Variants in PWWP2B observed in about 807,000 individuals in gnomAD.
PWWP2B encodes PWWP domain-containing protein 2B.
A neutral mutation model predicts 15.5 loss-of-function variants in PWWP2B; 9 were observed. The ratio of observed to expected loss-of-function variants is 0.58; its 90% CI spans 0.35 to 1.02. The LOEUF (loss-of-function observed/expected upper bound fraction) is 1.02, where lower values mean the gene tolerates loss of function less well. Ranked by LOEUF, PWWP2B falls within the 50% of genes least tolerant of loss-of-function variation. The pLI, the probability that PWWP2B is intolerant of heterozygous loss-of-function variation, is 0.02. For synonymous variants in PWWP2B, 474 were observed against 403.6 expected, an observed-to-expected ratio of 1.17 and a Z score of -2.09; for missense variants, 864 against 865.3, an observed-to-expected ratio of 1.00 and a Z score of 0.02.
chr10:132,411,101 CGTTTA>C (rs1189415962), intron 2 of PWWP2B, among the ~76,000 whole-genome samples: 2 of 152,210 alleles, frequency 1.3e-5, no homozygotes, highest in African/African-American at 4.8e-5. Flanking sequence ...AGACCACAGG[CGTTTA>C]TTCCCACGCC....
chr10:132,406,768 A>G (rs2069705509), intron 2 of PWWP2B, among the ~76,000 whole-genome samples: 1 of 152,142 alleles, frequency 6.6e-6, no homozygotes, highest in African/African-American at 2.4e-5. Flanking sequence ...CAGGACATTA[A>G]AGGAGGGAGG....
intron 1 of PWWP2B, among the ~76,000 whole-genome samples, chr10:132,403,828 G>A (rs899366712): frequency 9.9e-5 from 15 of 152,204 alleles, no homozygotes; most frequent in Admixed American, 7.2e-4. Flanking sequence ...CCTGCAGCTC[G>A]TGTGGCCCAG....
intron 2 of PWWP2B, among the ~76,000 whole-genome samples, chr10:132,408,792 C>T (rs1210467024): frequency 2.6e-5 from 4 of 152,248 alleles, no homozygotes; most frequent in Admixed American, 6.5e-5. Context: ...CACTCTCTCT[C>T]AGCTTGCTGC....
rs1370756980 is a variant in PWWP2B at position 132,400,394 on chromosome 10, G to A, written c.125+3043G>A. ...GGGCTTAGAGAGGGACTATGCTGAC[G>A]GCTCATAAACCCTTGAGTCCAGGAC... On this transcript the variant is annotated intron_variant, in intron 1 of 2. Transcript: ENST00000305233. Among the ~76,000 whole-genome samples the A allele has an allele frequency of 2.0e-5, 3 of 152,148 alleles. 1 individual carries two copies. The highest frequency in any genetic ancestry group is 4.4e-5 in the Non-Finnish European group (3 of 68,002).
rs773340929 is a variant in PWWP2B, at chr10:132,404,720, G to A, written c.220G>A (p.Asp74Asn). Reference sequence around the variant, plus strand: ...CCATGGCCGGGCTCCCGAGGAGGGGGATGCAGAGGTGATGCAGCTGGGGTC... The same window carrying A: ...CCATGGCCGGGCTCCCGAGGAGGGGAATGCAGAGGTGATGCAGCTGGGGTC... ...DSHGRAPEEG[D>N]AEVMQLGSSS... Residue 74 changes from aspartate (D) to asparagine (N), a missense_variant, in exon 2 of 3, where the codon GAT (aspartate) becomes AAT (asparagine). Physicochemically the swap from Asp to Asn is conservative, Grantham distance 23. Coordinates refer to ENST00000305233, the MANE Select transcript of PWWP2B (RefSeq NM_138499.4). The A allele has an allele frequency of 1.6e-5, 26 of 1,611,518 alleles. No homozygotes were observed. In the South Asian group the frequency reaches 2.9e-4, roughly 18 times the overall value.
chr10:132,408,838 C>T (rs1209797993), intron 2 of PWWP2B, among the ~76,000 whole-genome samples: 1 of 151,962 alleles, frequency 6.6e-6, no homozygotes, highest in Non-Finnish European at 1.5e-5. Context: ...AGGCGGATGC[C>T]CCACAGACCA....
chr10:132,416,942 G>A (rs2069866132), intron 2 of PWWP2B, 119 bp from the exon 3 acceptor site: 2 of 1,034,126 alleles, frequency 1.9e-6, no homozygotes, highest in Admixed American at 1.8e-5. Context: ...GGGCGGTGGA[G>A]GTCCCGGGTG....
In PWWP2B at chr10:132,417,167, G is replaced by T; in HGVS notation, c.*123G>T. On this transcript the variant is annotated 3_prime_UTR_variant, in exon 3 of 3. Coordinates refer to ENST00000305233, the MANE Select transcript of PWWP2B (RefSeq NM_138499.4). ...CGTGCAGAGCCCACTGGGCACGGTG[G>T]TCGGCCTGGTGTGAGGCCCCCCGGG... 2 of 1,498,708 alleles carry T rather than the reference G, an allele frequency of 1.3e-6. No individual in the cohort carries two copies. The highest frequency in any genetic ancestry group is 2.3e-5 in the South Asian group (2 of 88,596). 92.8% of individuals were successfully genotyped at this position (1,498,708 alleles called of 1,614,324 possible).
Position 132,398,384 on chromosome 10 carries a change from G to T in PWWP2B, c.125+1033G>T, listed in dbSNP as rs535816126. The stretch of plus-strand genomic sequence containing the variant: ...GTGTGGGCTACCGCTGGGAGTGCAC[G>T]GGCAGGATGGAGGGACACTCGGGGG... On this transcript the variant is annotated intron_variant, in intron 1 of 2. Transcript: ENST00000305233. Among the ~76,000 whole-genome samples, 647 of 152,346 alleles carry T rather than the reference G, an allele frequency of 4.2e-3. 4 individuals carry two copies. Among genetic ancestry groups the T allele is most frequent in the African/African-American group, 0.015 (617 of 41,582 alleles).
chr10:132,403,902 A>G (rs2069644246), intron 1 of PWWP2B, among the ~76,000 whole-genome samples: 1 of 117,888 alleles, frequency 8.5e-6, no homozygotes, highest in South Asian at 3.3e-4. Context: ...GGGCCACTGA[A>G]AGCATCTGGG....
rs1267139031 is a variant in PWWP2B at position 132,417,663 on chromosome 10, T to G, written c.*619T>G. On this transcript the variant is annotated 3_prime_UTR_variant, in exon 3 of 3. Coordinates refer to ENST00000305233, the MANE Select transcript of PWWP2B (RefSeq NM_138499.4). ...GTTCATCCCAGAGCGTGGGGCCCGC[T>G]GGGCACCTGGCACCTGGCCTGCAGA... 1 of 154,278 alleles carries G rather than the reference T, an allele frequency of 6.5e-6. No homozygotes were observed. The highest frequency in any genetic ancestry group is 2.4e-5 in the African/African-American group (1 of 41,470). The allele number at this position is 154,278 out of a possible 1,614,324, so 9.6% of individuals were successfully genotyped here.
intron 2 of PWWP2B, among the ~76,000 whole-genome samples, chr10:132,408,167 G>A (rs995661663): frequency 6.6e-6 from 1 of 152,230 alleles, no homozygotes; most frequent in Non-Finnish European, 1.5e-5. Context: ...TGGGGGTGCC[G>A]GATCCTTTCA....
intron 2 of PWWP2B, among the ~76,000 whole-genome samples, chr10:132,411,356 G>C (rs567515837): frequency 1.8e-4 from 27 of 152,234 alleles, no homozygotes; most frequent in Non-Finnish European, 3.5e-4. Context: ...TAATCACAAC[G>C]CAAACACGAT....
chr10:132,411,638 A>G (rs1287178122), intron 2 of PWWP2B, among the ~76,000 whole-genome samples: 1 of 152,234 alleles, frequency 6.6e-6, no homozygotes, highest in African/African-American at 2.4e-5. Flanking sequence ...TCAGCTTCAT[A>G]ATGTTGATTT....
chr10:132,413,744 G>C (rs2133165095), intron 2 of PWWP2B, among the ~76,000 whole-genome samples: 1 of 152,366 alleles, frequency 6.6e-6, no homozygotes, highest in African/African-American at 2.4e-5. Flanking sequence ...CTTGTGATGT[G>C]CAGAGCTGTG....
chr10:132,399,662 G>C (rs2069590012), intron 1 of PWWP2B, among the ~76,000 whole-genome samples: 1 of 152,284 alleles, frequency 6.6e-6, no homozygotes, highest in African/African-American at 2.4e-5. Context: ...GCTGAGCCCG[G>C]AGCAGGCGGC....
At chr10:132,404,551 G>A in intron 1 of PWWP2B, 75 bp from the exon 2 acceptor site, 3 of 1,323,848 alleles carry the variant, frequency 2.3e-6, no homozygotes, top group South Asian at 2.5e-5. Flanking sequence ...CGGGGGCCTT[G>A]GCTCTGGGGG....
intron 1 of PWWP2B, 95 bp downstream of exon 1, chr10:132,397,446 T>G: frequency 5.9e-6 from 6 of 1,020,984 alleles, no homozygotes; most frequent in Non-Finnish European, 4.7e-6. Context: ...GGGTTGGGGG[T>G]GGCGTGGCCC....
chr10:132,404,530 G>T, intron 1 of PWWP2B, 96 bp from the exon 2 acceptor site: 2 of 1,074,844 alleles, frequency 1.9e-6, no homozygotes, highest in Non-Finnish European at 1.4e-6. Flanking sequence ...CAGACCTGCC[G>T]GAGCATGGGT....
Sources: gnomAD v4.1 joint callset for allele counts (sites outside exome capture counted in the v4.1 genomes callset) on GRCh38, gnomAD v4.1.1 for gene constraint, MANE v1.5 for transcripts, NCBI Gene and HGNC (gene_info 2026-07-23, HGNC 2026-07-21) for gene names.